Variants in MICAL2 observed in about 807,000 individuals in gnomAD.
MICAL2 encodes the protein microtubule associated monooxygenase, calponin and LIM domain containing 2, also known as [F-actin]-monooxygenase MICAL2.
In MICAL2, 77 loss-of-function variants were observed where a neutral mutation model predicts 127.3. That is an observed-to-expected ratio of 0.60 (90% CI 0.50 to 0.73). MICAL2 has a LOEUF of 0.73. Ranked by LOEUF, MICAL2 falls within the 30% of genes least tolerant of loss-of-function variation. MICAL2 has a pLI of 0.00. For missense variants in MICAL2, 1,351 were observed against 1,434.4 expected (o/e 0.94, Z 0.94); for synonymous variants, 570 against 551.1 (o/e 1.03, Z -0.48).
At chr11:12,182,248 T>C (rs1390878537) in intron 3 of MICAL2, among the ~76,000 whole-genome samples, 1 of 152,078 alleles carries the variant, frequency 6.6e-6, no homozygotes. Flanking sequence ...GGCATAAAAA[T>C]GGTTAAGGAC....
At chr11:12,146,699 A>G (rs1256640467) in intron 2 of MICAL2, among the ~76,000 whole-genome samples, 3 of 152,222 alleles carry the variant, frequency 2.0e-5, no homozygotes, top group Non-Finnish European at 4.4e-5. Context: ...TGACCCAGCC[A>G]TCCTATTGCT....
At chr11:12,329,828 G>A (rs892087296) in intron 32 of MICAL2, among the ~76,000 whole-genome samples, 3 of 136,530 alleles carry the variant, frequency 2.2e-5, no homozygotes, top group Non-Finnish European at 4.6e-5. Flanking sequence ...AAATTGTAAA[G>A]CATCTTCTGA....
At chr11:12,224,595 G>A in intron 12 of MICAL2, 78 bp from the exon 13 acceptor site, 2 of 1,549,278 alleles carry the variant, frequency 1.3e-6, no homozygotes, top group Non-Finnish European at 1.8e-6. Flanking sequence ...CAGCCATGGT[G>A]GCAATGAGAA....
At chr11:12,195,705 CTTTT>C (rs35521222) in intron 3 of MICAL2, among the ~76,000 whole-genome samples, 2 of 144,550 alleles carry the variant, frequency 1.4e-5, no homozygotes, top group African/African-American at 2.5e-5. Flanking sequence ...CAATAGATTT[CTTTT>C]TTTTTTTTTT....
intron 29 of MICAL2, among the ~76,000 whole-genome samples, chr11:12,315,414 GT>G (rs1210454153): frequency 6.6e-6 from 1 of 151,948 alleles, no homozygotes; most frequent in African/African-American, 2.4e-5. Flanking sequence ...AATTTTCTTT[GT>G]AGTCTGGGTG....
chr11:12,153,817 T>C (rs367733914), intron 2 of MICAL2, among the ~76,000 whole-genome samples: 9 of 152,344 alleles, frequency 5.9e-5, no homozygotes, highest in African/African-American at 2.2e-4. Context: ...TCCTAGAAAT[T>C]GGGATTCAGA....
At chr11:12,216,145 G>A (rs1253041572) in intron 7 of MICAL2, 74 bp from the exon 8 acceptor site, 14 of 1,133,668 alleles carry the variant, frequency 1.2e-5, no homozygotes, top group African/African-American at 1.5e-5. Flanking sequence ...CCAATAGTGA[G>A]GCAAAGTACA....
chr11:12,289,766 G>A (rs1001540433), downstream of MICAL2, among the ~76,000 whole-genome samples: 2 of 151,900 alleles, frequency 1.3e-5, no homozygotes, highest in Admixed American at 6.6e-5. Context: ...ACAAGGTTTC[G>A]CCATGTTGGC....
At chr11:12,274,326 C>T (rs1863702935), upstream of MICAL2, 1 of 152,188 alleles carries the variant, frequency 6.6e-6, no homozygotes, top group Non-Finnish European at 1.5e-5. Context: ...TCACTGAACG[C>T]CTACCGTTCA....
chr11:12,246,700 G>A (rs576583028), intron 21 of MICAL2, among the ~76,000 whole-genome samples: 1 of 152,270 alleles, frequency 6.6e-6, no homozygotes, highest in South Asian at 2.1e-4. Flanking sequence ...TTTGGGACTC[G>A]AGTGATCCTC....
intron 20 of MICAL2, among the ~76,000 whole-genome samples, chr11:12,243,593 C>T (rs976744831): frequency 6.6e-6 from 1 of 152,202 alleles, no homozygotes; most frequent in South Asian, 2.1e-4. Flanking sequence ...CTTGCTGCAG[C>T]TATAGAGGCC....
intron 2 of MICAL2, among the ~76,000 whole-genome samples, chr11:12,286,478 C>T (rs553854301): frequency 1.7e-4 from 26 of 152,302 alleles, no homozygotes; most frequent in African/African-American, 4.3e-4. Flanking sequence ...TATGCATATA[C>T]GCATAGATGC....
chr11:12,292,319 G>A (rs1863915822), downstream of MICAL2: 13 of 1,613,314 alleles, frequency 8.1e-6, no homozygotes, highest in Non-Finnish European at 1.1e-5. Flanking sequence ...TGAGGGTCCT[G>A]CCCAGGTGTC....
In MICAL2 at chr11:12,158,045, A is replaced by G. The variant is rs1198450182; in HGVS notation, c.-77-4034A>G. ...TAGTTTTAAAGTATACAGGTTGACT[A>G]TACCTAAACTGAAATCTAGAATGCT... On this transcript the variant is annotated intron_variant, in intron 2 of 27. Transcript: ENST00000683283. Among the ~76,000 whole-genome samples the G allele has an allele frequency of 2.6e-5, 4 of 152,216 alleles. No homozygotes were observed. In the East Asian group the frequency reaches 7.7e-4, roughly 29 times the overall value.
chr11:12,276,752 C>G (rs1444242572), intron 1 of MICAL2: 1 of 152,214 alleles, frequency 6.6e-6, no homozygotes, highest in Non-Finnish European at 1.5e-5. Flanking sequence ...TTATTATTTA[C>G]TAGACTCTGA....
chr11:12,207,013 G>A (rs186925895), intron 4 of MICAL2, among the ~76,000 whole-genome samples: 90 of 149,284 alleles, frequency 6.0e-4, no homozygotes, highest in African/African-American at 2.0e-3. Context: ...ACCTTCTAAC[G>A]TCGCAGTCTG....
At chr11:12,336,041 G>C (rs1215724053) in intron 32 of MICAL2, among the ~76,000 whole-genome samples, 1 of 152,190 alleles carries the variant, frequency 6.6e-6, no homozygotes, top group Non-Finnish European at 1.5e-5. Context: ...AATTACCTTA[G>C]GCAGTATGGC....
chr11:12,257,836 G>C (rs1441702689), intron 24 of MICAL2, among the ~76,000 whole-genome samples: 1 of 152,178 alleles, frequency 6.6e-6, no homozygotes, highest in Non-Finnish European at 1.5e-5. Flanking sequence ...AGCAAGGAAG[G>C]CTTGTCTGGA....
chr11:12,208,752 C>A (rs534080016), intron 5 of MICAL2, among the ~76,000 whole-genome samples: 1 of 152,226 alleles, frequency 6.6e-6, no homozygotes, highest in African/African-American at 2.4e-5. Context: ...GATGCCTCTG[C>A]ATCTTACTTA....
Sources: allele counts gnomAD v4.1 joint callset (sites outside exome capture counted in the v4.1 genomes callset), GRCh38; gene constraint gnomAD v4.1.1; transcripts MANE v1.5; gene names NCBI Gene and HGNC (gene_info 2026-07-23, HGNC 2026-07-21).